Variants in SYTL4 observed in about 807,000 individuals in gnomAD.
SYTL4 encodes the protein synaptotagmin-like protein 4.
A neutral mutation model predicts 52.7 loss-of-function variants in SYTL4; 16 were observed. The observed-to-expected ratio is 0.30, with a 90% CI of 0.21 to 0.46. The LOEUF is 0.46. Ranked by LOEUF, SYTL4 falls within the 20% of genes least tolerant of loss-of-function variation. SYTL4 has a pLI of 1.00. For missense variants in SYTL4, 423 were observed against 519.9 expected (o/e 0.81, Z 1.81); for synonymous variants, 160 against 186.6 (o/e 0.86, Z 1.16).
intron 2 of SYTL4, among the ~76,000 whole-genome samples, chrX:100,723,718 C>T (rs1368575619): frequency 2.8e-5 from 3 of 108,484 alleles, no homozygotes; most frequent in Admixed American, 9.6e-5. Context: ...ATGTGAGGAG[C>T]GTCTCTGCCC....
chrX:100,702,024 A>G lies in SYTL4; in HGVS notation c.14T>C (p.Leu5Pro). The G allele has an allele frequency of 8.3e-7, 1 of 1,198,511 alleles. No individual in the cohort carries two copies. Among genetic ancestry groups the G allele is most frequent in the Non-Finnish European group, 1.1e-6 (1 of 884,893 alleles). ...CTCCTCAGACAGAAAAGAAAGGTCCAGTAACTCCGACATGATTTACTCAAC... is the reference window on the plus strand; with the variant it reads ...CTCCTCAGACAGAAAAGAAAGGTCCGGTAACTCCGACATGATTTACTCAAC... MSEL[L>P]DLSFLSEEEK... is the part of the protein sequence containing the mutation. The change falls in exon 5 of 20, where the codon CTG becomes CCG. Residue 5 changes from leucine to proline, a missense_variant. Coordinates refer to ENST00000372989, the MANE Select transcript of SYTL4 (RefSeq NM_001370165.1).
chrX:100,678,668 C>T (rs1569371073), intron 18 of SYTL4, 69 bp from the exon 19 acceptor site: 1 of 941,157 alleles, frequency 1.1e-6, no homozygotes, highest in East Asian at 3.1e-5. Context: ...ATTCCCCTTT[C>T]CCCTACCACA....
At chrX:100,696,576 T>C (rs1460975786) in intron 8 of SYTL4, among the ~76,000 whole-genome samples, 1 of 112,051 alleles carries the variant, frequency 8.9e-6, no homozygotes, top group Non-Finnish European at 1.9e-5. Context: ...TTTTTGTGCA[T>C]TTTCTATGGG....
intron 2 of SYTL4, among the ~76,000 whole-genome samples, chrX:100,726,334 T>G (rs183642664): frequency 9.0e-6 from 1 of 111,522 alleles, no homozygotes; most frequent in African/African-American, 3.3e-5. Flanking sequence ...CTGGATGATA[T>G]GCCCCTAAAG....
chrX:100,701,560 G>T lies in SYTL4; in HGVS notation c.224C>A (p.Pro75His). The T allele has an allele frequency of 1.7e-6, 2 of 1,211,238 alleles. No homozygotes were observed. The highest frequency in any genetic ancestry group is 2.2e-6 in the Non-Finnish European group (2 of 895,292). Residue 75 changes from proline (P) to histidine (H), a missense_variant, in exon 6 of 20, where the codon CCC becomes CAC. By Grantham distance (77) the Pro-to-His change is moderately conservative. Coordinates refer to ENST00000372989, the MANE Select transcript of SYTL4 (RefSeq NM_001370165.1). ...ACAACCCCGACAAGTATTGGTTTTGGGACTCAAACGGCCCAGGCTCTCCTG... is the reference window on the plus strand; with the variant it reads ...ACAACCCCGACAAGTATTGGTTTTGTGACTCAAACGGCCCAGGCTCTCCTG... Reference protein sequence around the residue: ...RCQESLGRLSPKTNTCRGCNH... With the variant: ...RCQESLGRLSHKTNTCRGCNH...
chrX:100,704,061 C>T (rs769748773), intron 3 of SYTL4, among the ~76,000 whole-genome samples: 84 of 112,461 alleles, frequency 7.5e-4, no homozygotes, highest in Non-Finnish European at 1.3e-3. Flanking sequence ...TACAATACTG[C>T]AGCAAAAGAC....
chrX:100,709,561 A>G (rs2084025322), intron 2 of SYTL4, among the ~76,000 whole-genome samples: 1 of 111,692 alleles, frequency 9.0e-6, no homozygotes, highest in Non-Finnish European at 1.9e-5. Context: ...TTGAATCCCA[A>G]CTTCCACATT....
At chrX:100,713,335 C>G (rs766862546) in intron 2 of SYTL4, among the ~76,000 whole-genome samples, 1 of 111,978 alleles carries the variant, frequency 8.9e-6, no homozygotes, top group South Asian at 3.7e-4. Context: ...ATCCCAGCTA[C>G]TTGGGAGGCT....
chrX:100,688,172 C>A, intron 13 of SYTL4, 179 bp downstream of exon 13: 1 of 395,502 alleles, frequency 2.5e-6, no homozygotes, highest in Non-Finnish European at 4.4e-6. Flanking sequence ...CAGGAAGTCA[C>A]CTAGATGTAC....
chrX:100,728,495 TG>T (rs1427725832), intron 2 of SYTL4, among the ~76,000 whole-genome samples: 1 of 111,799 alleles, frequency 8.9e-6, no homozygotes, highest in Non-Finnish European at 1.9e-5. Flanking sequence ...TAAAAGGCTA[TG>T]GGTAACTTGA....
chrX:100,698,713 C>G (rs2083769212), intron 8 of SYTL4, among the ~76,000 whole-genome samples: 1 of 111,946 alleles, frequency 8.9e-6, no homozygotes, highest in Admixed American at 9.5e-5. Context: ...GCAAGCTCTT[C>G]TTGAAGGACC....
In SYTL4 at chrX:100,674,653, C is replaced by T. The variant is rs2083249282; in HGVS notation, c.*1375G>A. 1 of 111,879 alleles carries T rather than the reference C, an allele frequency of 8.9e-6. No individual in the cohort carries two copies. Among genetic ancestry groups the T allele is most frequent in the African/African-American group, 3.3e-5 (1 of 30,720 alleles). The allele number at this position is 111,879 out of a possible 1,213,427, so 9.2% of individuals were successfully genotyped here. A position where few individuals can be genotyped will look rare whatever the true frequency, so the allele number is the denominator to read the frequency against. ...CATTCCTCCATTCGGTTCATACATA[C>T]AGTAGAAACCACTGTGGCTGCCCTT... On this transcript the variant is annotated 3_prime_UTR_variant, in exon 20 of 20. Transcript: ENST00000372989.
chrX:100,688,322 C>G (rs940948576), intron 13 of SYTL4, 29 bp downstream of exon 13: 9 of 1,166,475 alleles, frequency 7.7e-6, no homozygotes, highest in Non-Finnish European at 1.1e-5. Flanking sequence ...CCCCAACATG[C>G]CTGTAACCAC....
chrX:100,722,032 C>T (rs2084351458), intron 2 of SYTL4, among the ~76,000 whole-genome samples: 1 of 110,689 alleles, frequency 9.0e-6, no homozygotes, highest in African/African-American at 3.3e-5. Context: ...GAGCTCCTAA[C>T]CTCAGGTGAT....
chrX:100,693,195 G>T (rs923875399), intron 8 of SYTL4, among the ~76,000 whole-genome samples: 2 of 112,123 alleles, frequency 1.8e-5, no homozygotes, highest in Non-Finnish European at 3.8e-5. Flanking sequence ...CTCCCAAAGT[G>T]TTGGGATTAC....
At chrX:100,695,864 T>G (rs1056369158) in intron 8 of SYTL4, among the ~76,000 whole-genome samples, 5 of 111,965 alleles carry the variant, frequency 4.5e-5, no homozygotes, top group African/African-American at 1.3e-4. Context: ...CTCCTGCCCT[T>G]CCTGTAAGTG....
intron 13 of SYTL4, 46 bp from the exon 14 acceptor site, chrX:100,687,291 C>T (rs368088700): frequency 4.9e-5 from 53 of 1,089,718 alleles, no homozygotes; most frequent in African/African-American, 3.1e-4. Flanking sequence ...CACACTCCCC[C>T]GCCCGCATTG....
intron 18 of SYTL4, chrX:100,678,895 T>A: frequency 9.7e-6 from 3 of 310,692 alleles, no homozygotes; most frequent in Non-Finnish European, 1.7e-5. Context: ...ACTAGACAAT[T>A]TATCTCTTTA....
rs747076907 is a variant in SYTL4, at chrX:100,691,657, C to T, written c.540-448G>A. Among the ~76,000 whole-genome samples the T allele has an allele frequency of 6.3e-5, 7 of 111,687 alleles. No homozygotes were observed. In the South Asian group the frequency reaches 2.7e-3, roughly 43 times the overall value. On this transcript the variant is annotated intron_variant, in intron 8 of 19. Transcript: ENST00000372989. ...GGTTCACGCCATTCTCCTGCCTCAG[C>T]CTCCCGAGTAGCTGGGACTACAGGT...
Sources: allele counts gnomAD v4.1 joint callset (sites outside exome capture counted in the v4.1 genomes callset), GRCh38; gene constraint gnomAD v4.1.1; transcripts MANE v1.5; gene names NCBI Gene and HGNC (gene_info 2026-07-23, HGNC 2026-07-21).